Variants in F5 observed in about 807,000 individuals in gnomAD.
F5 encodes the protein activated protein c cofactor.
A neutral mutation model predicts 216.4 loss-of-function variants in F5; 138 were observed. That is an observed-to-expected ratio of 0.64 (90% CI 0.56 to 0.73). The LOEUF (loss-of-function observed/expected upper bound fraction) is 0.73, where lower values mean the gene tolerates loss of function less well. F5 is among the 30% of genes least tolerant of loss of function. The probability of loss-of-function intolerance (pLI) is 0.00; values close to 1 mark genes in which losing one functional copy is unlikely to be tolerated. For missense variants in F5, 2,403 were observed against 2,674.0 expected, an observed-to-expected ratio of 0.90 and a Z score of 2.24; for synonymous variants, 916 against 930.7, an observed-to-expected ratio of 0.98 and a Z score of 0.29.
At chr1:169,573,443 A>G (rs144611013) in intron 2 of F5, among the ~76,000 whole-genome samples, 1,827 of 152,306 alleles carry the variant, frequency 0.012, 30 homozygotes, top group African/African-American at 0.035. Context: ...GTACTGGGCC[A>G]GCACATGTAG....
At chr1:169,548,631 G>A (rs982103993) in intron 10 of F5, among the ~76,000 whole-genome samples, 1 of 152,132 alleles carries the variant, frequency 6.6e-6, no homozygotes, top group African/African-American at 2.4e-5. Context: ...ACTTTGGGAG[G>A]CTGAGGCAGG....
In F5 at chr1:169,543,068, C is replaced by A. The variant is rs541355758; in HGVS notation, c.2022G>T (p.Lys674Asn). 1 of 1,613,966 alleles carries A rather than the reference C, an allele frequency of 6.2e-7. No homozygotes were observed. The highest frequency in any genetic ancestry group is 2.2e-5 in the East Asian group (1 of 44,872). The change falls in exon 13 of 25, where the codon AAG (lysine) becomes AAT (asparagine). Residue 674 changes from lysine to asparagine, a missense_variant. Around this residue, in one of 4 missense-constraint regions of F5, gnomAD observed 1,425 missense variants for 1,554.8 expected, o/e 0.92. Transcript: ENST00000367797. ...TAACATCCCTGAATTTCAGCCTCAGCTTTTTGCTTCTTGGACTAGAATTCA... is the reference window on the plus strand; with the variant it reads ...TAACATCCCTGAATTTCAGCCTCAGATTTTTGCTTCTTGGACTAGAATTCA... ...TSMNSSPRSKKLRLKFRDVKC... is the reference protein window; with the variant it reads ...TSMNSSPRSKNLRLKFRDVKC...
At chr1:169,533,830 G>A (rs988073303) in intron 14 of F5, among the ~76,000 whole-genome samples, 3 of 152,032 alleles carry the variant, frequency 2.0e-5, no homozygotes, top group Admixed American at 1.3e-4. Flanking sequence ...GAAGTTTGGG[G>A]GTTTCTCAAA....
At chr1:169,547,842 A>G in intron 10 of F5, among the ~76,000 whole-genome samples, 1 of 152,260 alleles carries the variant, frequency 6.6e-6, no homozygotes, top group Non-Finnish European at 1.5e-5. Context: ...ATTACTTGGT[A>G]TGTACCCAAA....
rs149067268 is a variant in F5, at chr1:169,542,222, A to G, written c.2868T>C (p.Tyr956=). The change falls in exon 13 of 25, where the codon TAT becomes TAC. Residue 956 remains tyrosine, a synonymous_variant. Transcript: ENST00000367797. ...RWHLASEKGS[Y]EIIQDTDEDT... ...CTTCATCAGTATCTTGGATTATTTC[A>G]TAGCTACCTTTCTCAGAAGCCAAAT... 3.5e-4 allele frequency: 566 copies of G among 1,613,952 alleles called. No individual in the cohort carries two copies. Among genetic ancestry groups the G allele is most frequent in the Non-Finnish European group, 4.3e-4 (510 of 1,180,000 alleles).
chr1:169,527,972 T>C lies in F5; in HGVS notation c.5542A>G (p.Thr1848Ala). Reference sequence around the variant, plus strand: ...TGTTTATTGCCATTTTCCAGCAAGGTCTGGCCGTGAAAGTGAACCACGTGA... The same window carrying C: ...TGTTTATTGCCATTTTCCAGCAAGGCCTGGCCGTGAAAGTGAACCACGTGA... ...DIHVVHFHGQTLLENGNKQHQ... is the reference protein window; with the variant it reads ...DIHVVHFHGQALLENGNKQHQ... The change falls in exon 17 of 25, where the codon ACC becomes GCC. Residue 1848 changes from threonine (T) to alanine (A), a missense_variant. Transcript: ENST00000367797. The C allele has an allele frequency of 6.2e-7, 1 of 1,613,790 alleles. No individual in the cohort carries two copies. Among genetic ancestry groups the C allele is most frequent in the South Asian group, 1.1e-5 (1 of 91,088 alleles).
At chr1:169,532,363 GA>G (rs1659610201) in intron 14 of F5, among the ~76,000 whole-genome samples, 1 of 152,054 alleles carries the variant, frequency 6.6e-6, no homozygotes, top group African/African-American at 2.4e-5. Flanking sequence ...TCAAGCAAGA[GA>G]AAGAAATAAA....
intron 17 of F5, among the ~76,000 whole-genome samples, chr1:169,526,763 G>A (rs1274762395): frequency 6.6e-6 from 1 of 152,048 alleles, no homozygotes; most frequent in Non-Finnish European, 1.5e-5. Flanking sequence ...TCTGTCTGCA[G>A]GCTGATAGGA....
At chr1:169,579,299 G>A (rs1215943489) in intron 2 of F5, among the ~76,000 whole-genome samples, 1 of 152,124 alleles carries the variant, frequency 6.6e-6, no homozygotes, top group Non-Finnish European at 1.5e-5. Context: ...GCTTTCTCAA[G>A]CTCCTTGGTA....
rs6675072 is a variant in F5, at chr1:169,559,637, A to G, written c.587-341T>C. On this transcript the variant is annotated intron_variant, in intron 4 of 24. Coordinates refer to ENST00000367797, the MANE Select transcript of F5 (RefSeq NM_000130.5). ...ATATAGATACGTTAGCTCAGTTGGTAAAAGCATCATGCCCCAAGTTTAATG... is the reference window on the plus strand; with the variant it reads ...ATATAGATACGTTAGCTCAGTTGGTGAAAGCATCATGCCCCAAGTTTAATG... Among the ~76,000 whole-genome samples, 1,109 of 151,838 alleles carry G rather than the reference A, an allele frequency of 7.3e-3. 15 individuals are homozygous for G. Among genetic ancestry groups the G allele is most frequent in the African/African-American group, 0.026 (1,050 of 41,132 alleles).
chr1:169,531,125 C>T (rs1006600072), intron 14 of F5, 103 bp from the exon 15 acceptor site: 11 of 848,462 alleles, frequency 1.3e-5, no homozygotes, highest in Non-Finnish European at 1.8e-5. Flanking sequence ...AAAATCGGAG[C>T]TAAGATATAA....
At chr1:169,537,959 A>C (rs1012886434) in intron 13 of F5, among the ~76,000 whole-genome samples, 2 of 152,128 alleles carry the variant, frequency 1.3e-5, no homozygotes, top group Non-Finnish European at 2.9e-5. Context: ...CACATGATCC[A>C]TCAATCCCAC....
At position 169,562,935 on chromosome 1, in the gene F5, A is replaced by G. The variant is rs1269291652; in HGVS notation, c.374-2169T>C. 2.0e-5 allele frequency among the ~76,000 whole-genome samples: 3 copies of G among 152,196 alleles called. No homozygotes were observed. In the East Asian group the frequency reaches 5.8e-4, roughly 29 times the overall value. ...ACTTTTCATTCCTTCTTATGAATCT[A>G]AATGTCTCTCTGACATAATATTTCT... On this transcript the variant is annotated intron_variant, in intron 3 of 24. Coordinates refer to ENST00000367797, the MANE Select transcript of F5 (RefSeq NM_000130.5).
At position 169,556,876 on chromosome 1, in the gene F5, G is replaced by A. The variant is rs761266037; in HGVS notation, c.731-9C>T. ...GGCACAAACTGTTATATCTGAGAAA[G>A]AGGGAGAGACACAGGCCAAAATAAG... On this transcript the variant is annotated splice_polypyrimidine_tract_variant and intron_variant, in intron 5 of 24. Transcript: ENST00000367797. 1.9e-6 allele frequency: 3 copies of A among 1,612,396 alleles called. No homozygotes were observed. The highest frequency in any genetic ancestry group is 1.3e-5 in the African/African-American group (1 of 74,884).
intron 15 of F5, 86 bp from the exon 16 acceptor site, chr1:169,529,904 C>G: frequency 1.9e-6 from 2 of 1,080,014 alleles, no homozygotes; most frequent in Middle Eastern, 2.0e-4. Context: ...GAAAAGGAAA[C>G]TTTCTGATAG....
At position 169,560,756 on chromosome 1, in the gene F5, G is replaced by A; in HGVS notation, c.384C>T (p.Tyr128=). 6.2e-7 allele frequency: 1 copy of A among 1,612,056 alleles called. No individual in the cohort carries two copies. The highest frequency in any genetic ancestry group is 8.5e-7 in the Non-Finnish European group (1 of 1,179,638). The change falls in exon 4 of 25, where the codon TAC becomes TAT. Residue 128 remains tyrosine, a synonymous_variant. Transcript: ENST00000367797. The stretch of plus-strand genomic sequence containing the variant: ...TCTCCGCAGGGAATGTGTGGTCAAG[G>A]TAAGAAGCACCTGGAGGAGTAACAG... ...RYSKLSEGAS[Y]LDHTFPAEKM... is the part of the protein sequence containing the mutation.
Position 169,541,257 on chromosome 1 carries a change from G to A in F5, c.3833C>T (p.Pro1278Leu), listed in dbSNP as rs759351399. ...AGAAAGGGTTGTATGGCTGAGGTCT[G>A]GAGAAAGGGGCATCTGACCGAGGGC... ...SPALGQMPLS[P>L]DLSHTTLSLD... Residue 1278 changes from proline to leucine, a missense_variant, in exon 13 of 25, where the codon CCA (proline) becomes CTA (leucine). Physicochemically the swap from Pro to Leu is moderately conservative, Grantham distance 98. Around this residue, in one of 4 missense-constraint regions of F5, gnomAD observed 1,425 missense variants for 1,554.8 expected, o/e 0.92. Coordinates refer to ENST00000367797, the MANE Select transcript of F5 (RefSeq NM_000130.5). 6.5e-7 allele frequency: 1 copy of A among 1,541,196 alleles called. No individual in the cohort carries two copies. Among genetic ancestry groups the A allele is most frequent in the Admixed American group, 1.8e-5 (1 of 55,186 alleles).
intron 22 of F5, among the ~76,000 whole-genome samples, chr1:169,519,731 C>T (rs189920247): frequency 1.3e-5 from 2 of 152,346 alleles, no homozygotes; most frequent in African/African-American, 2.4e-5. Flanking sequence ...CCTCTTCCCA[C>T]CTCCAGCCCT....
intron 20 of F5, 52 bp from the exon 21 acceptor site, chr1:169,523,404 C>T: frequency 6.2e-7 from 1 of 1,601,214 alleles, no homozygotes; most frequent in Non-Finnish European, 8.6e-7. Flanking sequence ...ACAAGTCACA[C>T]ACTGCCTAAA....
Sources: gnomAD v4.1 joint callset for allele counts (sites outside exome capture counted in the v4.1 genomes callset) on GRCh38, gnomAD v4.1.1 for gene constraint, gnomAD v4.1.1 regional missense constraint, MANE v1.5 for transcripts, NCBI Gene and HGNC (gene_info 2026-07-23, HGNC 2026-07-21) for gene names.